The following ADAMTS20 variants were observed in gnomAD, a reference collection of about 807,000 sequenced individuals.
ADAMTS20 encodes ADAM metallopeptidase with thrombospondin type 1 motif 20, also known as A disintegrin and metalloproteinase with thrombospondin motifs 20.
In ADAMTS20, 225 loss-of-function variants were observed where a neutral mutation model predicts 260.1. The observed-to-expected ratio is 0.87, with a 90% CI of 0.78 to 0.97. The LOEUF (loss-of-function observed/expected upper bound fraction) is 0.97, where lower values mean the gene tolerates loss of function less well. Ranked by LOEUF, ADAMTS20 falls within the 50% of genes least tolerant of loss-of-function variation. The probability of loss-of-function intolerance (pLI) is 0.00; values close to 1 mark genes in which losing one functional copy is unlikely to be tolerated. For synonymous variants in ADAMTS20, 802 were observed against 769.5 expected (o/e 1.04, Z -0.70); for missense variants, 2,400 against 2,337.7 (o/e 1.03, Z -0.55).
In ADAMTS20 at chr12:43,430,469, G is replaced by T. The variant is rs748773695; in HGVS notation, c.3264C>A (p.Cys1088Ter). The change falls in exon 23 of 39, where the codon TGC becomes TGA. Residue 1088 changes from cysteine (C) to a stop codon, truncating the protein, a stop_gained and splice_region_variant. Transcript: ENST00000389420. LOFTEE classifies it high-confidence loss of function. The stretch of plus-strand genomic sequence containing the variant: ...GATACCCATGTCCACATGTGGTTGT[G>T]CACTGAAAGAAGAATATAGATATTA... ...ASWQVGPWGP[C>*]TTTCGHGYQM... 6.2e-7 allele frequency: 1 copy of T among 1,609,500 alleles called. No individual in the cohort carries two copies. The highest frequency in any genetic ancestry group is 8.5e-7 in the Non-Finnish European group (1 of 1,177,804).
intron 37 of ADAMTS20, among the ~76,000 whole-genome samples, chr12:43,357,699 A>C (rs1389444137): frequency 6.6e-6 from 1 of 152,228 alleles, no homozygotes; most frequent in African/African-American, 2.4e-5. Context: ...TGAAATTTAG[A>C]ATATGAACTC....
At chr12:43,358,417 A>T (rs959522117) in intron 37 of ADAMTS20, among the ~76,000 whole-genome samples, 5 of 152,224 alleles carry the variant, frequency 3.3e-5, no homozygotes, top group African/African-American at 1.2e-4. Context: ...TATGATGTTG[A>T]CGGAGGTAAA....
At chr12:43,466,576 G>T (rs1394773968) in intron 9 of ADAMTS20, 76 bp downstream of exon 9, 4 of 1,383,884 alleles carry the variant, frequency 2.9e-6, no homozygotes, top group South Asian at 2.5e-5. Context: ...AACAGAAATT[G>T]AACCACCTTT....
chr12:43,391,615 T>A (rs758229696), intron 29 of ADAMTS20, among the ~76,000 whole-genome samples: 1 of 152,160 alleles, frequency 6.6e-6, no homozygotes, highest in Non-Finnish European at 1.5e-5. Flanking sequence ...CCAGTAGGAA[T>A]TGGAGGTCAT....
Position 43,523,471 on chromosome 12 carries a change from G to A in ADAMTS20, c.613+8565C>T, listed in dbSNP as rs377546603. On this transcript the variant is annotated intron_variant, in intron 3 of 38. Coordinates refer to ENST00000389420, the MANE Select transcript of ADAMTS20 (RefSeq NM_025003.5). ...GGCCAGAACCAGGTGGGGGTGGGGG[G>A]CAAGTGGAAAGAGTGCAGGAGTTGG... Among the ~76,000 whole-genome samples the A allele has an allele frequency of 1.2e-4, 18 of 152,246 alleles. No homozygotes were observed. In the South Asian group the frequency reaches 1.7e-3, roughly 14 times the overall value.
rs778488192 is a variant in ADAMTS20, at chr12:43,439,623, T to G, written c.2592A>C (p.Gln864His). 1 of 1,603,792 alleles carries G rather than the reference T, an allele frequency of 6.2e-7. No homozygotes were observed. The highest frequency in any genetic ancestry group is 1.1e-5 in the South Asian group (1 of 88,498). ...CTCCCTTATTGAATGCCAGCGTACC[T>G]TGACACATTTTGGTACAGCCTTCCC... is the stretch of plus-strand genomic sequence containing the variant. ...GPWEGCTKMC[Q>H]GLQRRNITCI... The change falls in exon 18 of 39, where the codon CAA becomes CAC. Residue 864 changes from glutamine (Q) to histidine (H), a missense_variant and splice_region_variant. Gln to His is a conservative substitution (Grantham distance 24). Transcript: ENST00000389420.
At chr12:43,409,601 C>CAAAAAAAAAAAAA (rs67474640) in intron 28 of ADAMTS20, among the ~76,000 whole-genome samples, 24 of 46,906 alleles carry the variant, frequency 5.1e-4, no homozygotes, top group African/African-American at 1.6e-3. Context: ...GACTCCGTCT[C>CAAAAAAAAAAAAA]AAAAAAAAAA....
intron 11 of ADAMTS20, among the ~76,000 whole-genome samples, chr12:43,462,354 A>C (rs1942078007): frequency 6.6e-6 from 1 of 152,200 alleles, no homozygotes; most frequent in African/African-American, 2.4e-5. Flanking sequence ...TATCATGGTG[A>C]GCGTTATTCA....
At chr12:43,535,044 T>C (rs1163280910) in intron 2 of ADAMTS20, among the ~76,000 whole-genome samples, 1 of 152,152 alleles carries the variant, frequency 6.6e-6, no homozygotes, top group Admixed American at 6.6e-5. Context: ...CAGAAAGTTT[T>C]TCCTTGACCA....
chr12:43,433,431 T>C (rs1041194166), intron 19 of ADAMTS20, among the ~76,000 whole-genome samples: 4 of 152,144 alleles, frequency 2.6e-5, no homozygotes, highest in Admixed American at 1.3e-4. Flanking sequence ...CCGTCCCTAA[T>C]AGCATCTCAA....
intron 7 of ADAMTS20, among the ~76,000 whole-genome samples, chr12:43,475,020 T>C (rs1942327682): frequency 7.4e-6 from 1 of 134,246 alleles, no homozygotes; most frequent in Admixed American, 8.1e-5. Flanking sequence ...AAATAAAGGG[T>C]ATTCAATTAG....
intron 7 of ADAMTS20, among the ~76,000 whole-genome samples, chr12:43,482,005 C>T (rs1007764835): frequency 7.9e-5 from 12 of 152,222 alleles, no homozygotes; most frequent in Admixed American, 2.6e-4. Flanking sequence ...GCCAGGAAAT[C>T]CAGGCCATGG....
intron 29 of ADAMTS20, among the ~76,000 whole-genome samples, chr12:43,391,746 T>G (rs1940601414): frequency 2.0e-5 from 3 of 152,136 alleles, no homozygotes; most frequent in Admixed American, 2.0e-4. Flanking sequence ...TAATTTCCTT[T>G]TCACAACAGT....
At chr12:43,389,173 T>C (rs980857931) in intron 29 of ADAMTS20, among the ~76,000 whole-genome samples, 3 of 152,146 alleles carry the variant, frequency 2.0e-5, no homozygotes, top group African/African-American at 4.8e-5. Flanking sequence ...CAAAAGTCTA[T>C]AAAGTCCAGA....
rs543914592 is a variant in ADAMTS20 at position 43,527,883 on chromosome 12, A to G, written c.613+4153T>C. On this transcript the variant is annotated intron_variant, in intron 3 of 38. Transcript: ENST00000389420. ...AAATAAAGGGCATCCAAATTGGAAA[A>G]GAGGAAGTCCAACTATCTCTGTTTA... Among the ~76,000 whole-genome samples, 5 of 152,272 alleles carry G rather than the reference A, an allele frequency of 3.3e-5. No individual in the cohort carries two copies. In the South Asian group the frequency reaches 1.0e-3, roughly 32 times the overall value.
At chr12:43,523,630 G>A (rs903514997) in intron 3 of ADAMTS20, among the ~76,000 whole-genome samples, 1 of 152,142 alleles carries the variant, frequency 6.6e-6, no homozygotes, top group African/African-American at 2.4e-5. Context: ...ACCTTGCCAA[G>A]TGCACAGGAG....
chr12:43,474,411 C>G lies in ADAMTS20; in HGVS notation c.1118-5706G>C, dbSNP rs1009285004. Reference sequence around the variant, plus strand: ...TCACAGCCGAATTCTACCAAAGGTACAAGGAGGAACTGGTACCATTCCTTG... The same window carrying G: ...TCACAGCCGAATTCTACCAAAGGTAGAAGGAGGAACTGGTACCATTCCTTG... On this transcript the variant is annotated intron_variant, in intron 7 of 38. Transcript: ENST00000389420. 9.3e-5 allele frequency among the ~76,000 whole-genome samples: 14 copies of G among 150,990 alleles called. 1 individual carries two copies. The highest frequency in any genetic ancestry group is 3.4e-4 in the African/African-American group (14 of 41,232).
intron 3 of ADAMTS20, among the ~76,000 whole-genome samples, chr12:43,521,340 A>G (rs1943069316): frequency 6.6e-6 from 1 of 152,220 alleles, no homozygotes; most frequent in African/African-American, 2.4e-5. Context: ...CATTTAAAGG[A>G]ATGGGAAATA....
chr12:43,424,068 T>C, intron 28 of ADAMTS20: 1 of 590,414 alleles, frequency 1.7e-6, no homozygotes, highest in Non-Finnish European at 3.0e-6. Context: ...TAAAGATGTT[T>C]GGGTAGGGCA....
Sources: allele counts gnomAD v4.1 joint callset (sites outside exome capture counted in the v4.1 genomes callset), GRCh38; gene constraint gnomAD v4.1.1; transcripts MANE v1.5; gene names NCBI Gene and HGNC (gene_info 2026-07-23, HGNC 2026-07-21).